The following KMT2C variants were observed in gnomAD, a reference collection of about 807,000 sequenced individuals.
KMT2C encodes histone-lysine N-methyltransferase 2C.
A neutral mutation model predicts 507.9 loss-of-function variants in KMT2C; 88 were observed. The ratio of observed to expected loss-of-function variants is 0.17; its 90% CI spans 0.15 to 0.21. KMT2C has a LOEUF of 0.21. Among genes scored for constraint, KMT2C ranks in the 10% least tolerant of loss-of-function variants. The pLI, the probability that KMT2C is intolerant of heterozygous loss-of-function variation, is 1.00. For missense variants in KMT2C, 4,954 were observed against 5,957.8 expected (o/e 0.83, Z 5.55); for synonymous variants, 2,049 against 2,080.8 (o/e 0.98, Z 0.42).
At chr7:152,281,752 A>T (rs923275693) in intron 6 of KMT2C, among the ~76,000 whole-genome samples, 5 of 152,002 alleles carry the variant, frequency 3.3e-5, no homozygotes, top group Admixed American at 3.3e-4. Flanking sequence ...ACAAAAAAAA[A>T]AAGAAATTAC....
intron 1 of KMT2C, among the ~76,000 whole-genome samples, chr7:152,395,678 T>G (rs528512304): frequency 6.6e-6 from 1 of 152,242 alleles, no homozygotes; most frequent in Admixed American, 6.5e-5. Context: ...AGGCTAATTT[T>G]TGTATTTTTA....
At chr7:152,367,753 A>AT in intron 1 of KMT2C, 1 of 1,072,888 alleles carries the variant, frequency 9.3e-7, no homozygotes, top group Non-Finnish European at 1.5e-6. Flanking sequence ...GATTACATTG[A>AT]TAGTAAATCT....
At chr7:152,283,630 T>C (rs571158032) in intron 6 of KMT2C, among the ~76,000 whole-genome samples, 2 of 152,278 alleles carry the variant, frequency 1.3e-5, no homozygotes, top group African/African-American at 2.4e-5. Flanking sequence ...CTAGTACATA[T>C]ACCCCCAAGG....
chr7:152,408,738 A>G (rs2097649345), intron 1 of KMT2C, among the ~76,000 whole-genome samples: 1 of 152,008 alleles, frequency 6.6e-6, no homozygotes, highest in Non-Finnish European at 1.5e-5. Context: ...GGTCTGTGGA[A>G]AAAACTCTCT....
chr7:152,394,068 C>T (rs9648668), intron 1 of KMT2C, among the ~76,000 whole-genome samples: 3 of 108,188 alleles, frequency 2.8e-5, no homozygotes, highest in East Asian at 2.8e-4. Flanking sequence ...CAAATCTTTT[C>T]GGCTCTGCCT....
At chr7:152,290,725 A>C (rs951293232) in intron 6 of KMT2C, among the ~76,000 whole-genome samples, 7 of 152,162 alleles carry the variant, frequency 4.6e-5, no homozygotes, top group African/African-American at 1.7e-4. Flanking sequence ...GCTTTGGTTT[A>C]GTATCAAACA....
chr7:152,212,827 A>G (rs2094485256), intron 23 of KMT2C, among the ~76,000 whole-genome samples: 1 of 152,192 alleles, frequency 6.6e-6, no homozygotes. Flanking sequence ...GATCACCTGA[A>G]GTCAGGAGTT....
At chr7:152,199,507 G>T in intron 26 of KMT2C, 48 bp from the exon 27 acceptor site, 2 of 1,189,120 alleles carry the variant, frequency 1.7e-6, no homozygotes, top group Non-Finnish European at 2.3e-6. Context: ...ATTCTAAAAA[G>T]ACAATAGATT....
chr7:152,414,611 C>A (rs76904645), intron 1 of KMT2C, among the ~76,000 whole-genome samples: 3 of 142,474 alleles, frequency 2.1e-5, no homozygotes, highest in Non-Finnish European at 3.1e-5. Context: ...TGGAAAAAAT[C>A]TTTTTTTTTT....
intron 42 of KMT2C, among the ~76,000 whole-genome samples, chr7:152,166,249 A>G (rs1317000595): frequency 6.6e-6 from 1 of 151,412 alleles, no homozygotes; most frequent in Non-Finnish European, 1.5e-5. Flanking sequence ...AGCCTCCCAA[A>G]TAGCTGGGAT....
At position 152,331,366 on chromosome 7, in the gene KMT2C, C is replaced by T. The variant is rs59335395; in HGVS notation, c.251-627G>A. On this transcript the variant is annotated intron_variant, in intron 2 of 58. Coordinates refer to ENST00000262189, the MANE Select transcript of KMT2C (RefSeq NM_170606.3). ...GGTGTAGTGGCTCACACATGTAATCCCAGCACCTTGGGAGGCTGAGGCAGG... is the reference window on the plus strand; with the variant it reads ...GGTGTAGTGGCTCACACATGTAATCTCAGCACCTTGGGAGGCTGAGGCAGG... 9.7e-3 allele frequency among the ~76,000 whole-genome samples: 1,474 copies of T among 151,760 alleles called. 36 individuals are homozygous for T. Among genetic ancestry groups the T allele is most frequent in the African/African-American group, 0.034 (1,418 of 41,378 alleles).
At chr7:152,169,132 A>G in intron 41 of KMT2C, 54 bp downstream of exon 41, 1 of 1,088,628 alleles carries the variant, frequency 9.2e-7, no homozygotes, top group Non-Finnish European at 1.4e-6. Context: ...CAGCACACAT[A>G]GAGTGCAGAC....
intron 24 of KMT2C, among the ~76,000 whole-genome samples, 175 bp downstream of exon 24, chr7:152,207,125 C>G (rs533935508): frequency 2.6e-5 from 4 of 152,070 alleles, no homozygotes; most frequent in Non-Finnish European, 5.9e-5. Flanking sequence ...ATAAAGAACT[C>G]TAGAGCTAAA....
chr7:152,337,309 G>A (rs1299637469), intron 2 of KMT2C, among the ~76,000 whole-genome samples: 1 of 152,158 alleles, frequency 6.6e-6, no homozygotes, highest in Non-Finnish European at 1.5e-5. Flanking sequence ...TCACATGTAA[G>A]TAGATTCCTA....
At chr7:152,264,410 CAA>C (rs1256492625) in intron 8 of KMT2C, among the ~76,000 whole-genome samples, 1 of 152,080 alleles carries the variant, frequency 6.6e-6, no homozygotes, top group Non-Finnish European at 1.5e-5. Context: ...GAGAAATGAC[CAA>C]GAGATGAAAT....
At chr7:152,257,524 C>A (rs2095680469) in intron 9 of KMT2C, among the ~76,000 whole-genome samples, 1 of 152,042 alleles carries the variant, frequency 6.6e-6, no homozygotes, top group South Asian at 2.1e-4. Flanking sequence ...GGAATAAAAT[C>A]TATTACTGAG....
At chr7:152,356,421 C>T (rs2097151830) in intron 2 of KMT2C, among the ~76,000 whole-genome samples, 2 of 151,670 alleles carry the variant, frequency 1.3e-5, no homozygotes, top group African/African-American at 4.8e-5. Flanking sequence ...ACTAAAAATA[C>T]AAAAATTAGC....
chr7:152,161,617 T>C (rs1587810984), intron 43 of KMT2C, among the ~76,000 whole-genome samples: 1 of 152,144 alleles, frequency 6.6e-6, no homozygotes, highest in East Asian at 1.9e-4. Flanking sequence ...AATTGATACA[T>C]GGAAAACTAC....
At chr7:152,240,838 C>T (rs1354736897) in intron 14 of KMT2C, among the ~76,000 whole-genome samples, 2 of 152,178 alleles carry the variant, frequency 1.3e-5, no homozygotes, top group East Asian at 1.9e-4. Context: ...GTCGTGGCCA[C>T]CACCATCTCT....
Sources: gnomAD v4.1 joint callset for allele counts (sites outside exome capture counted in the v4.1 genomes callset) on GRCh38, gnomAD v4.1.1 for gene constraint, MANE v1.5 for transcripts, NCBI Gene and HGNC (gene_info 2026-07-23, HGNC 2026-07-21) for gene names.